GABPB2: variants seen among roughly 807,000 people sequenced by gnomAD.
The protein encoded by GABPB2 is GA-binding protein subunit beta-2.
Under a neutral mutation model 39.1 loss-of-function variants are expected in GABPB2, and 23 were observed. That is an observed-to-expected ratio of 0.59 (90% CI 0.42 to 0.83). The LOEUF (loss-of-function observed/expected upper bound fraction) is 0.83. Ranked by LOEUF, GABPB2 falls within the 40% of genes least tolerant of loss-of-function variation. The probability of loss-of-function intolerance (pLI) is 0.00; values close to 1 mark genes in which losing one functional copy is unlikely to be tolerated. For synonymous variants in GABPB2, 184 were observed against 199.3 expected, an observed-to-expected ratio of 0.92 and a Z score of 0.65; for missense variants, 467 against 541.1, an observed-to-expected ratio of 0.86 and a Z score of 1.36.
chr1:151,119,353 A>T lies in GABPB2; in HGVS notation c.*1097A>T, dbSNP rs985216109. ...GCCAGGCGTGGTGGCTCACGCCTGTAATCCCAACACTTTGGGAGGCCGAGG... is the reference window on the plus strand; with the variant it reads ...GCCAGGCGTGGTGGCTCACGCCTGTTATCCCAACACTTTGGGAGGCCGAGG... On this transcript the variant is annotated 3_prime_UTR_variant, in exon 9 of 9. Coordinates refer to ENST00000368918, the MANE Select transcript of GABPB2 (RefSeq NM_144618.3). The T allele has an allele frequency of 6.6e-6, 1 of 152,458 alleles. No individual in the cohort carries two copies. Among genetic ancestry groups the T allele is most frequent in the Non-Finnish European group, 1.5e-5 (1 of 68,240 alleles). The allele number at this position is 152,458 out of a possible 1,614,324, so 9.4% of individuals were successfully genotyped here.
chr1:151,073,793 A>G (rs1295649075), intron 1 of GABPB2, among the ~76,000 whole-genome samples: 1 of 151,542 alleles, frequency 6.6e-6, no homozygotes, highest in African/African-American at 2.4e-5. Flanking sequence ...GGTGGCGTGC[A>G]TCTGTAGTCC....
chr1:151,104,801 CTTTTCTTTCTTTCCTTT>C (rs1479661245), intron 6 of GABPB2, among the ~76,000 whole-genome samples: 3 of 19,268 alleles, frequency 1.6e-4, no homozygotes, highest in African/African-American at 2.5e-4. Context: ...TTCTTTCTTT[CTTTTCTTTCTTTCCTTT>C]CTTTCTTTCT....
At chr1:151,101,590 A>C (rs1188693735) in intron 5 of GABPB2, among the ~76,000 whole-genome samples, 1 of 151,518 alleles carries the variant, frequency 6.6e-6, no homozygotes, top group African/African-American at 2.4e-5. Context: ...AAAAAGAAAA[A>C]GAAAAAAGAA....
chr1:151,103,300 C>T lies in GABPB2; in HGVS notation c.623-262C>T, dbSNP rs186739225. On this transcript the variant is annotated intron_variant, in intron 5 of 8. Coordinates refer to ENST00000368918, the MANE Select transcript of GABPB2 (RefSeq NM_144618.3). ...TCCTGACCTCGTGATCCACCCGCCT[C>T]GGCCTCCCAAAGTGCTGGGATTACA... Among the ~76,000 whole-genome samples, 508 of 152,038 alleles carry T rather than the reference C, an allele frequency of 3.3e-3. 2 individuals carry two copies. Among genetic ancestry groups the T allele is most frequent in the South Asian group, 8.3e-3 (40 of 4,822 alleles).
At chr1:151,110,058 C>T (rs747820256) in intron 7 of GABPB2, among the ~76,000 whole-genome samples, 1 of 110,522 alleles carries the variant, frequency 9.0e-6, no homozygotes, top group African/African-American at 3.4e-5. Context: ...GACAGGGTTT[C>T]GCCATGTTGG....
At chr1:151,110,135 T>TA (rs895239182) in intron 7 of GABPB2, among the ~76,000 whole-genome samples, 3 of 148,710 alleles carry the variant, frequency 2.0e-5, no homozygotes, top group Admixed American at 1.4e-4. Flanking sequence ...GTGCTGGGAT[T>TA]ACAGGTGTGA....
At position 151,118,635 on chromosome 1, in the gene GABPB2, C is replaced by A. The variant is rs1022472822; in HGVS notation, c.*379C>A. 6.3e-6 allele frequency: 1 copy of A among 159,980 alleles called. No individual in the cohort carries two copies. Among genetic ancestry groups the A allele is most frequent in the East Asian group, 1.8e-4 (1 of 5,574 alleles). 9.9% of individuals were successfully genotyped at this position (159,980 alleles called of 1,614,324 possible). On this transcript the variant is annotated 3_prime_UTR_variant, in exon 9 of 9. Transcript: ENST00000368918. ...AATATATATGCCTTTAATAATTATA[C>A]CATCAAGTGACCTGAAAATGCCCCT...
At chr1:151,106,669 T>A (rs1254669882) in intron 6 of GABPB2, among the ~76,000 whole-genome samples, 1 of 152,198 alleles carries the variant, frequency 6.6e-6, no homozygotes. Flanking sequence ...TGTTGGAGAA[T>A]CACACCCTGT....
chr1:151,103,398 A>G (rs1679695335), intron 5 of GABPB2, among the ~76,000 whole-genome samples, 164 bp from the exon 6 acceptor site: 1 of 152,126 alleles, frequency 6.6e-6, no homozygotes, highest in African/African-American at 2.4e-5. Context: ...TTAAACCTTA[A>G]AAGAATTTTA....
intron 7 of GABPB2, among the ~76,000 whole-genome samples, chr1:151,116,752 C>T (rs1321487653): frequency 6.6e-6 from 1 of 152,028 alleles, no homozygotes; most frequent in Non-Finnish European, 1.5e-5. Context: ...GAATTACAGG[C>T]ATGCTCCACC....
chr1:151,106,887 T>G, intron 6 of GABPB2, 150 bp from the exon 7 acceptor site: 1 of 514,094 alleles, frequency 1.9e-6, no homozygotes, highest in Non-Finnish European at 3.4e-6. Context: ...CTTAGCATTG[T>G]TCACAAAACC....
chr1:151,123,370 G>C lies in GABPB2; in HGVS notation c.*5114G>C, dbSNP rs1681248016. The C allele has an allele frequency of 6.6e-6, 1 of 151,258 alleles. No homozygotes were observed. The highest frequency in any genetic ancestry group is 6.6e-5 in the Admixed American group (1 of 15,162). The allele number at this position is 151,258 out of a possible 1,614,324, so 9.4% of individuals were successfully genotyped here. ...CTCTGGAGGCTGAAACAGGAGAATTGCTTGAACCCAAAAGGTGGAGTTTAC... is the reference window on the plus strand; with the variant it reads ...CTCTGGAGGCTGAAACAGGAGAATTCCTTGAACCCAAAAGGTGGAGTTTAC... On this transcript the variant is annotated 3_prime_UTR_variant, in exon 9 of 9. Transcript: ENST00000368918.
chr1:151,076,794 ATTT>A (rs57200969), intron 1 of GABPB2, among the ~76,000 whole-genome samples: 5 of 120,094 alleles, frequency 4.2e-5, no homozygotes, highest in African/African-American at 3.1e-5. Flanking sequence ...ACTTGGTCTG[ATTT>A]TTTTTTTTTT....
intron 7 of GABPB2, among the ~76,000 whole-genome samples, chr1:151,111,048 G>A (rs1042727249): frequency 2.6e-5 from 4 of 152,122 alleles, no homozygotes; most frequent in African/African-American, 9.7e-5. Flanking sequence ...GGGAGGCTGA[G>A]GCGGGAGGAG....
chr1:151,076,972 T>A (rs2102994483), intron 1 of GABPB2, among the ~76,000 whole-genome samples: 1 of 151,884 alleles, frequency 6.6e-6, no homozygotes, highest in African/African-American at 2.4e-5. Flanking sequence ...TTTTTGTATT[T>A]TTAGTAGAGA....
intron 3 of GABPB2, among the ~76,000 whole-genome samples, chr1:151,092,425 A>G (rs587617393): frequency 2.1e-5 from 3 of 145,334 alleles, no homozygotes; most frequent in Non-Finnish European, 4.5e-5. Flanking sequence ...AATCATATTT[A>G]AAAAAAAAAT....
At chr1:151,116,210 G>A (rs772724328) in intron 7 of GABPB2, among the ~76,000 whole-genome samples, 1 of 151,924 alleles carries the variant, frequency 6.6e-6, no homozygotes, top group Non-Finnish European at 1.5e-5. Context: ...TGACCAACAC[G>A]GAGAAACCCT....
chr1:151,090,500 C>T lies in GABPB2; in HGVS notation c.203C>T (p.Thr68Ile), dbSNP rs758983717. Reference protein sequence around the residue: ...LRAGVSRDARTKVDRTPLHMA... With the variant: ...LRAGVSRDARIKVDRTPLHMA... The stretch of plus-strand genomic sequence containing the variant: ...GCAGGTGTTAGCAGGGATGCCCGGA[C>T]TAAAGTAGACAGGACCCCCTTGCAC... The change falls in exon 3 of 9, where the codon ACT becomes ATT. Residue 68 changes from threonine to isoleucine, a missense_variant. Thr to Ile is a moderately conservative substitution (Grantham distance 89). Coordinates refer to ENST00000368918, the MANE Select transcript of GABPB2 (RefSeq NM_144618.3). 1 of 1,614,114 alleles carries T rather than the reference C, an allele frequency of 6.2e-7. No individual in the cohort carries two copies. The highest frequency in any genetic ancestry group is 8.5e-7 in the Non-Finnish European group (1 of 1,180,002).
Position 151,095,583 on chromosome 1 carries a change from C to T in GABPB2, c.471+2197C>T, listed in dbSNP as rs587699984. Among the ~76,000 whole-genome samples, 5 of 152,254 alleles carry T rather than the reference C, an allele frequency of 3.3e-5. No homozygotes were observed. In the South Asian group the frequency reaches 6.2e-4, roughly 19 times the overall value. ...CCAAGGAAGTGCTACTATTTCGCCA[C>T]GTAGCAGTACTACTCTTCCCTCCTC... is the stretch of plus-strand genomic sequence containing the variant. On this transcript the variant is annotated intron_variant, in intron 4 of 8. Coordinates refer to ENST00000368918, the MANE Select transcript of GABPB2 (RefSeq NM_144618.3).
Sources: gnomAD v4.1 joint callset for allele counts (sites outside exome capture counted in the v4.1 genomes callset) on GRCh38, gnomAD v4.1.1 for gene constraint, MANE v1.5 for transcripts, NCBI Gene and HGNC (gene_info 2026-07-23, HGNC 2026-07-21) for gene names.